SLC35F4: variants seen among roughly 807,000 people sequenced by gnomAD.
SLC35F4 encodes chromosome 14 open reading frame 36.
SLC35F4 carries 24 observed loss-of-function variants against 44.2 expected under a neutral mutation model. The observed-to-expected ratio is 0.54, with a 90% CI of 0.39 to 0.76. SLC35F4 has a LOEUF of 0.76. SLC35F4 is among the 30% of genes least tolerant of loss of function. The pLI, the probability that SLC35F4 is intolerant of heterozygous loss-of-function variation, is 0.00. For synonymous variants in SLC35F4, 238 were observed against 223.6 expected (o/e 1.06, Z -0.57); for missense variants, 562 against 586.1 (o/e 0.96, Z 0.42).
chr14:57,934,716 T>A (rs1475656472), intron 1 of SLC35F4, among the ~76,000 whole-genome samples: 1 of 152,070 alleles, frequency 6.6e-6, no homozygotes, highest in African/African-American at 2.4e-5. Flanking sequence ...AAAGCCTCCC[T>A]CATGAGTAAA....
chr14:57,726,369 A>G (rs1468890651), intron 1 of SLC35F4, among the ~76,000 whole-genome samples: 1 of 152,198 alleles, frequency 6.6e-6, no homozygotes, highest in East Asian at 1.9e-4. Context: ...GTAGTAGAAG[A>G]AGGTAGTCAT....
intron 1 of SLC35F4, among the ~76,000 whole-genome samples, chr14:57,757,141 G>C (rs1456680038): frequency 6.6e-6 from 1 of 152,086 alleles, no homozygotes; most frequent in African/African-American, 2.4e-5. Context: ...TTATCATTAT[G>C]AAGTGACCTG....
intron 1 of SLC35F4, among the ~76,000 whole-genome samples, chr14:57,637,300 C>G (rs1235932566): frequency 6.6e-6 from 1 of 152,094 alleles, no homozygotes; most frequent in African/African-American, 2.4e-5. Context: ...GAAGTAGAAT[C>G]TTACAATTGA....
intron 1 of SLC35F4, among the ~76,000 whole-genome samples, chr14:57,898,548 A>G (rs1358344327): frequency 1.3e-5 from 2 of 152,240 alleles, no homozygotes; most frequent in African/African-American, 4.8e-5. Flanking sequence ...CCATGAAAAC[A>G]TCTTGTCTCT....
intron 1 of SLC35F4, among the ~76,000 whole-genome samples, chr14:57,664,848 T>C (rs1424158931): frequency 1.3e-5 from 2 of 152,106 alleles, no homozygotes; most frequent in Admixed American, 6.5e-5. Context: ...GTCCCAATGA[T>C]CTGAAAATAC....
intron 1 of SLC35F4, among the ~76,000 whole-genome samples, chr14:57,809,071 C>A (rs1291226287): frequency 6.6e-6 from 1 of 152,124 alleles, no homozygotes; most frequent in Non-Finnish European, 1.5e-5. Context: ...CTCCTATGCA[C>A]CCCCACACGT....
At chr14:57,821,080 C>T (rs1426514851) in intron 1 of SLC35F4, among the ~76,000 whole-genome samples, 2 of 152,190 alleles carry the variant, frequency 1.3e-5, no homozygotes. Context: ...CCTTAATTGC[C>T]ATTGTTGCCT....
chr14:57,622,657 T>C (rs2072249264), intron 1 of SLC35F4, among the ~76,000 whole-genome samples: 1 of 151,610 alleles, frequency 6.6e-6, no homozygotes, highest in South Asian at 2.1e-4. Context: ...CATCACACTC[T>C]GGGGACTGTT....
At chr14:57,837,550 G>C (rs929071337) in intron 1 of SLC35F4, 2 of 152,170 alleles carry the variant, frequency 1.3e-5, no homozygotes, top group Non-Finnish European at 2.9e-5. Flanking sequence ...CTGGGATAGG[G>C]ACCACACGTG....
At chr14:57,742,922 T>G (rs918672151) in intron 1 of SLC35F4, among the ~76,000 whole-genome samples, 2 of 152,154 alleles carry the variant, frequency 1.3e-5, no homozygotes, top group African/African-American at 4.8e-5. Flanking sequence ...AGAAACTCAC[T>G]CAAAACCGTT....
intron 1 of SLC35F4, among the ~76,000 whole-genome samples, chr14:57,877,079 G>A (rs879311567): frequency 5.9e-5 from 9 of 151,984 alleles, no homozygotes; most frequent in Non-Finnish European, 1.2e-4. Flanking sequence ...TGTCACACGG[G>A]TTCACGGTAC....
chr14:57,893,680 C>A (rs1033104701), intron 1 of SLC35F4, among the ~76,000 whole-genome samples: 3 of 152,178 alleles, frequency 2.0e-5, no homozygotes, highest in Non-Finnish European at 2.9e-5. Context: ...ACATTAACAG[C>A]CATACCAGCA....
chr14:57,638,796 C>G (rs949598937), intron 1 of SLC35F4, among the ~76,000 whole-genome samples: 4 of 152,024 alleles, frequency 2.6e-5, no homozygotes, highest in Non-Finnish European at 4.4e-5. Flanking sequence ...CCATGATTTT[C>G]CCACAAGGAA....
At chr14:57,802,438 C>T (rs1186457530) in intron 1 of SLC35F4, among the ~76,000 whole-genome samples, 1 of 151,364 alleles carries the variant, frequency 6.6e-6, no homozygotes, top group Non-Finnish European at 1.5e-5. Context: ...AAACCCACAA[C>T]TAGCAGAAGA....
rs191763455 is a variant in SLC35F4 at position 57,603,702 on chromosome 14, T to G, written c.104-9578A>C. On this transcript the variant is annotated intron_variant, in intron 1 of 7. Transcript: ENST00000556826. ...GCTGTGGCTCTGAAGGCCTCTTGAT[T>G]CCTGCACATTTTTCAAGGCTGGGTG... 5.5e-4 allele frequency among the ~76,000 whole-genome samples: 83 copies of G among 152,276 alleles called. 1 individual carries two copies. The highest frequency in any genetic ancestry group is 5.4e-3 in the Admixed American group (83 of 15,288).
intron 1 of SLC35F4, among the ~76,000 whole-genome samples, chr14:57,944,694 G>GAAAAGAAAGAAAGAAAGAAAGA (rs1889979702): frequency 6.8e-5 from 4 of 58,984 alleles, no homozygotes; most frequent in African/African-American, 2.9e-4. Flanking sequence ...AAGAAAGAAA[G>GAAAAGAAAGAAAGAAAGAAAGA]AAAAGAAAGA....
chr14:57,874,952 C>A (rs1459574613), intron 1 of SLC35F4, among the ~76,000 whole-genome samples: 1 of 146,930 alleles, frequency 6.8e-6, no homozygotes, highest in African/African-American at 2.7e-5. Context: ...TACTCCTAAT[C>A]TTTTGGAAGA....
intron 1 of SLC35F4, among the ~76,000 whole-genome samples, chr14:57,872,273 C>T (rs1003962437): frequency 6.6e-6 from 1 of 151,954 alleles, no homozygotes; most frequent in African/African-American, 2.4e-5. Flanking sequence ...CTGTGATTCC[C>T]ATCAGTAGAA....
chr14:57,677,895 C>T (rs2074753528), intron 1 of SLC35F4, among the ~76,000 whole-genome samples: 1 of 151,910 alleles, frequency 6.6e-6, no homozygotes, highest in African/African-American at 2.4e-5. Context: ...TAATCTGTTA[C>T]AAACAAAAGA....
Sources: allele counts gnomAD v4.1 joint callset (sites outside exome capture counted in the v4.1 genomes callset), GRCh38; gene constraint gnomAD v4.1.1; transcripts MANE v1.5; gene names NCBI Gene and HGNC (gene_info 2026-07-23, HGNC 2026-07-21).